Variants in ARHGAP44 observed in about 807,000 individuals in gnomAD.
ARHGAP44 encodes the protein Rho GTPase activating protein 44.
Under a neutral mutation model 106.8 loss-of-function variants are expected in ARHGAP44, and 43 were observed. That is an observed-to-expected ratio of 0.40 (90% confidence interval 0.32 to 0.52). The LOEUF (loss-of-function observed/expected upper bound fraction) is 0.52, where lower values mean the gene tolerates loss of function less well. Among genes scored for constraint, ARHGAP44 ranks in the 20% least tolerant of loss-of-function variants. ARHGAP44 has a pLI of 0.48. For synonymous variants in ARHGAP44, 439 were observed against 410.3 expected (o/e 1.07, Z -0.85); for missense variants, 866 against 1,050.5 (o/e 0.82, Z 2.43).
chr17:12,923,415 C>T (rs1182984365), intron 6 of ARHGAP44, among the ~76,000 whole-genome samples: 1 of 152,088 alleles, frequency 6.6e-6, no homozygotes, highest in Non-Finnish European at 1.5e-5. Flanking sequence ...GGGGTTTCGC[C>T]ATGTTGGCCA....
intron 12 of ARHGAP44, among the ~76,000 whole-genome samples, chr17:12,950,229 G>A (rs193069419): frequency 2.0e-5 from 3 of 152,254 alleles, no homozygotes; most frequent in Non-Finnish European, 4.4e-5. Flanking sequence ...ATTCCTCCTG[G>A]CCAGAAAAGT....
chr17:12,888,084 TTGTTG>T (rs778528312), intron 1 of ARHGAP44, among the ~76,000 whole-genome samples: 65 of 152,188 alleles, frequency 4.3e-4, no homozygotes, highest in Non-Finnish European at 8.1e-4. Context: ...TTAGTTTTTG[TTGTTG>T]TGTTGTTGTT....
intron 7 of ARHGAP44, among the ~76,000 whole-genome samples, chr17:12,933,811 T>C (rs1306318611): frequency 2.0e-5 from 3 of 152,108 alleles, no homozygotes; most frequent in Non-Finnish European, 2.9e-5. Flanking sequence ...ATCATCACCT[T>C]TCCTGCTTTT....
At chr17:12,970,141 T>A (rs1339846648) in intron 16 of ARHGAP44, among the ~76,000 whole-genome samples, 2 of 151,986 alleles carry the variant, frequency 1.3e-5, no homozygotes, top group Non-Finnish European at 2.9e-5. Context: ...CTGCCCCTTG[T>A]CTTCTTACTC....
chr17:12,856,675 C>G lies in ARHGAP44; in HGVS notation c.54-38265C>G, dbSNP rs142236669. Reference sequence around the variant, plus strand: ...CAGACTGGGTTCCTAATCTGCTTCTCCAAGCTTTGTGACCTTGGACAAGTT... The same window carrying G: ...CAGACTGGGTTCCTAATCTGCTTCTGCAAGCTTTGTGACCTTGGACAAGTT... On this transcript the variant is annotated intron_variant, in intron 1 of 20. Coordinates refer to ENST00000379672, the MANE Select transcript of ARHGAP44 (RefSeq NM_014859.6). Among the ~76,000 whole-genome samples the G allele has an allele frequency of 5.8e-3, 879 of 152,238 alleles. 7 individuals are homozygous for G. The highest frequency in any genetic ancestry group is 9.8e-3 in the Non-Finnish European group (665 of 68,022).
At chr17:12,964,550 G>A (rs772669490) in intron 16 of ARHGAP44, among the ~76,000 whole-genome samples, 7 of 152,208 alleles carry the variant, frequency 4.6e-5, no homozygotes, top group Non-Finnish European at 1.0e-4. Context: ...GGAGGCCAAG[G>A]TGGGCGGATC....
chr17:12,849,950 C>T (rs2035691637), intron 1 of ARHGAP44, among the ~76,000 whole-genome samples: 1 of 152,078 alleles, frequency 6.6e-6, no homozygotes, highest in Non-Finnish European at 1.5e-5. Context: ...ATGTTCATTT[C>T]ATCCAAGACC....
At chr17:12,867,276 A>G (rs935721407) in intron 1 of ARHGAP44, among the ~76,000 whole-genome samples, 1 of 151,808 alleles carries the variant, frequency 6.6e-6, no homozygotes, top group Non-Finnish European at 1.5e-5. Flanking sequence ...CTAGACATGG[A>G]CTCTTCTCCT....
At chr17:12,973,745 G>T in intron 17 of ARHGAP44, 1 of 505,592 alleles carries the variant, frequency 2.0e-6, no homozygotes, top group Non-Finnish European at 3.5e-6. Flanking sequence ...AGGAAGGCTG[G>T]CAGTTTACAC....
At chr17:12,931,890 T>TAAA (rs1367699358) in intron 7 of ARHGAP44, among the ~76,000 whole-genome samples, 1 of 147,156 alleles carries the variant, frequency 6.8e-6, no homozygotes, top group Non-Finnish European at 1.5e-5. Flanking sequence ...ATATCATGAT[T>TAAA]TATTTAGCTA....
At chr17:12,948,723 TACACACACACAC>T (rs71369353) in intron 10 of ARHGAP44, among the ~76,000 whole-genome samples, 97 of 29,366 alleles carry the variant, frequency 3.3e-3, no homozygotes, top group Non-Finnish European at 5.0e-3. Flanking sequence ...CCAACACACA[TACACACACACAC>T]ACACACACAC....
chr17:12,863,862 A>C (rs982080228), intron 1 of ARHGAP44, among the ~76,000 whole-genome samples: 35 of 152,210 alleles, frequency 2.3e-4, no homozygotes, highest in African/African-American at 8.2e-4. Flanking sequence ...CTCGCATTCA[A>C]CATGGGCTTA....
At chr17:12,827,328 C>A (rs1271323277) in intron 1 of ARHGAP44, among the ~76,000 whole-genome samples, 1 of 152,086 alleles carries the variant, frequency 6.6e-6, no homozygotes, top group African/African-American at 2.4e-5. Context: ...TGTAAACATG[C>A]AGTCTAATGC....
intron 1 of ARHGAP44, among the ~76,000 whole-genome samples, chr17:12,885,595 T>A (rs569826857): frequency 6.6e-6 from 1 of 152,096 alleles, no homozygotes; most frequent in Admixed American, 6.6e-5. Flanking sequence ...TTGCTCTTAA[T>A]TTACATTGTC....
At chr17:12,936,900 C>T (rs2038564279) in intron 7 of ARHGAP44, among the ~76,000 whole-genome samples, 1 of 152,128 alleles carries the variant, frequency 6.6e-6, no homozygotes, top group Non-Finnish European at 1.5e-5. Flanking sequence ...AGGTTCTGAT[C>T]CTTGTTCAGT....
chr17:12,900,622 GC>G (rs2037346224), intron 3 of ARHGAP44, among the ~76,000 whole-genome samples: 1 of 152,196 alleles, frequency 6.6e-6, no homozygotes, highest in Non-Finnish European at 1.5e-5. Context: ...CAACAAGTCT[GC>G]CACGCAAGGC....
Position 12,984,282 on chromosome 17 carries a change from AGAG to A in ARHGAP44, c.1940-243_1940-241del, listed in dbSNP as rs528925569. On this transcript the variant is annotated intron_variant, in intron 19 of 20. Coordinates refer to ENST00000379672, the MANE Select transcript of ARHGAP44 (RefSeq NM_014859.6). ...GTAGATCAGGGCAGAAATCCAGAAA[AGAG>A]GAGGAAAAATTAGTTAACAGATGGG... Among the ~76,000 whole-genome samples, 20 of 108,752 alleles carry A rather than the reference AGAG, an allele frequency of 1.8e-4. No homozygotes were observed. In the South Asian group the frequency reaches 6.0e-3, roughly 32 times the overall value. 71.3% of individuals were successfully genotyped at this position (108,752 alleles called of 152,430 possible).
At chr17:12,926,471 ATATAAT>A (rs2038243273) in intron 6 of ARHGAP44, among the ~76,000 whole-genome samples, 1 of 108,588 alleles carries the variant, frequency 9.2e-6, no homozygotes, top group Non-Finnish European at 1.9e-5. Flanking sequence ...TATATAATAT[ATATAAT>A]ATATATGTAT....
intron 1 of ARHGAP44, among the ~76,000 whole-genome samples, chr17:12,840,246 C>T (rs1055669706): frequency 2.0e-5 from 3 of 152,082 alleles, no homozygotes; most frequent in African/African-American, 2.4e-5. Context: ...GCAAATATCC[C>T]TCCATTGTTT....
Sources: gnomAD v4.1 joint callset for allele counts (sites outside exome capture counted in the v4.1 genomes callset) on GRCh38, gnomAD v4.1.1 for gene constraint, MANE v1.5 for transcripts, NCBI Gene and HGNC (gene_info 2026-07-23, HGNC 2026-07-21) for gene names.